ARSB: variants seen among roughly 807,000 people sequenced by gnomAD.
The protein encoded by ARSB is N-acetylgalactosamine-4-sulfatase.
Under a neutral mutation model 50.9 loss-of-function variants are expected in ARSB, and 41 were observed. The observed-to-expected ratio is 0.81, with a 90% CI of 0.63 to 1.04. The LOEUF (loss-of-function observed/expected upper bound fraction) is 1.04. Ranked by LOEUF, ARSB falls within the 50% of genes least tolerant of loss-of-function variation. The pLI, the probability that ARSB is intolerant of heterozygous loss-of-function variation, is 0.00. For synonymous variants in ARSB, 269 were observed against 284.8 expected (o/e 0.94, Z 0.56); for missense variants, 672 against 693.3 (o/e 0.97, Z 0.35).
At chr5:78,827,400 G>A (rs1468976981) in intron 6 of ARSB, among the ~76,000 whole-genome samples, 5 of 152,110 alleles carry the variant, frequency 3.3e-5, no homozygotes, top group Admixed American at 2.6e-4. Flanking sequence ...TAGTAAAGAC[G>A]GGGTTTTGCC....
At chr5:78,893,717 T>C (rs1035346094) in intron 4 of ARSB, among the ~76,000 whole-genome samples, 1 of 152,302 alleles carries the variant, frequency 6.6e-6, no homozygotes, top group Non-Finnish European at 1.5e-5. Context: ...AGTTGTAAGG[T>C]AAGCACAAAA....
At chr5:78,913,664 G>A (rs1391200472) in intron 4 of ARSB, among the ~76,000 whole-genome samples, 2 of 152,080 alleles carry the variant, frequency 1.3e-5, no homozygotes, top group African/African-American at 4.8e-5. Context: ...ATTTGTGTTT[G>A]GAGCTGAAAT....
chr5:78,820,853 T>C (rs961983986), intron 6 of ARSB, among the ~76,000 whole-genome samples: 1 of 151,938 alleles, frequency 6.6e-6, no homozygotes, highest in African/African-American at 2.4e-5. Context: ...GGGGGCTCAC[T>C]AGCCCCTGGT....
At position 78,794,430 on chromosome 5, in the gene ARSB, T is replaced by C. The variant is rs191029415; in HGVS notation, c.1214-12456A>G. Among the ~76,000 whole-genome samples the C allele has an allele frequency of 4.6e-3, 703 of 152,026 alleles. 6 individuals are homozygous for C. The highest frequency in any genetic ancestry group is 7.9e-3 in the Non-Finnish European group (537 of 67,966). ...AGGCCAGTGAACTAACACTGAGTAGTAAGAGGGGAGGGTGTGTCCTAGTGT... is the reference window on the plus strand; with the variant it reads ...AGGCCAGTGAACTAACACTGAGTAGCAAGAGGGGAGGGTGTGTCCTAGTGT... On this transcript the variant is annotated intron_variant, in intron 6 of 7. Transcript: ENST00000264914.
At chr5:78,796,747 G>C (rs1326588299) in intron 6 of ARSB, among the ~76,000 whole-genome samples, 2 of 152,020 alleles carry the variant, frequency 1.3e-5, no homozygotes, top group Non-Finnish European at 1.5e-5. Flanking sequence ...TCTGCCTCCT[G>C]GGTTCAAGTG....
At chr5:78,791,922 G>A (rs1360316601) in intron 6 of ARSB, among the ~76,000 whole-genome samples, 13 of 152,058 alleles carry the variant, frequency 8.5e-5, no homozygotes, top group African/African-American at 2.2e-4. Context: ...GTGGTATGCC[G>A]TATGCCAGGC....
rs559418385 is a variant in ARSB, at chr5:78,867,172, C to T, written c.1142+18412G>A. 4.6e-5 allele frequency among the ~76,000 whole-genome samples: 7 copies of T among 152,298 alleles called. No homozygotes were observed. The South Asian group carries it at 1.5e-3, about 32-fold the overall frequency. The stretch of plus-strand genomic sequence containing the variant: ...CACCTGGCTCGGAGGGTCCTACACC[C>T]ACGGAATCTCGCTGATTGCTAGCAC... On this transcript the variant is annotated intron_variant, in intron 5 of 7. Transcript: ENST00000264914.
intron 5 of ARSB, among the ~76,000 whole-genome samples, chr5:78,866,642 G>C (rs889087517): frequency 3.3e-5 from 5 of 152,246 alleles, no homozygotes; most frequent in Non-Finnish European, 7.3e-5. Flanking sequence ...TGCAGGACGA[G>C]AGTGGCTGCC....
intron 5 of ARSB, among the ~76,000 whole-genome samples, chr5:78,861,392 C>T (rs1746429146): frequency 6.6e-6 from 1 of 152,138 alleles, no homozygotes. Context: ...AATCCAGCAG[C>T]ACATCAAAAA....
chr5:78,942,197 C>T (rs1035881552), intron 4 of ARSB, among the ~76,000 whole-genome samples: 9 of 152,100 alleles, frequency 5.9e-5, no homozygotes, highest in South Asian at 2.1e-4. Flanking sequence ...GTCTTGCTAG[C>T]GGTCTATCAA....
At chr5:78,807,642 A>AAGGT (rs1341106712) in intron 6 of ARSB, among the ~76,000 whole-genome samples, 4 of 152,174 alleles carry the variant, frequency 2.6e-5, no homozygotes, top group Admixed American at 2.6e-4. Context: ...GCCTTTTAAG[A>AAGGT]AGGTACCAAA....
At chr5:78,917,482 G>T (rs1749610765) in intron 4 of ARSB, among the ~76,000 whole-genome samples, 1 of 151,864 alleles carries the variant, frequency 6.6e-6, no homozygotes, top group African/African-American at 2.4e-5. Context: ...TAAATCACTG[G>T]TTTTTTAAAA....
At chr5:78,847,511 T>C (rs1463894501) in intron 5 of ARSB, among the ~76,000 whole-genome samples, 1 of 152,216 alleles carries the variant, frequency 6.6e-6, no homozygotes, top group Non-Finnish European at 1.5e-5. Flanking sequence ...TTGGGGATAC[T>C]GGCCTAAAGT....
rs1748855724 is a variant in ARSB at position 78,779,201 on chromosome 5, T to C, written c.*1196A>G. The C allele has an allele frequency of 6.6e-6, 1 of 152,028 alleles. No homozygotes were observed. Among genetic ancestry groups the C allele is most frequent in the Non-Finnish European group, 1.5e-5 (1 of 68,006 alleles). 9.4% of individuals were successfully genotyped at this position (152,028 alleles called of 1,614,324 possible). A position where few individuals can be genotyped will look rare whatever the true frequency, so the allele number is the denominator to read the frequency against. On this transcript the variant is annotated 3_prime_UTR_variant, in exon 8 of 8. Transcript: ENST00000264914. ...CTGTTCCACATTAGTAAGACATTAGTGGGATTGAGAAAGGGCTGCAGGTGT... is the reference window on the plus strand; with the variant it reads ...CTGTTCCACATTAGTAAGACATTAGCGGGATTGAGAAAGGGCTGCAGGTGT...
chr5:78,922,183 T>C (rs1749846757), intron 4 of ARSB, among the ~76,000 whole-genome samples: 1 of 123,804 alleles, frequency 8.1e-6, no homozygotes, highest in Admixed American at 9.2e-5. Flanking sequence ...CATGCTGGGC[T>C]TAGAGCCAGT....
intron 6 of ARSB, among the ~76,000 whole-genome samples, chr5:78,803,006 G>T (rs1743450362): frequency 6.6e-6 from 1 of 152,228 alleles, no homozygotes; most frequent in Non-Finnish European, 1.5e-5. Flanking sequence ...TTCTCCTGCA[G>T]GGATTAAAGA....
intron 6 of ARSB, among the ~76,000 whole-genome samples, chr5:78,786,443 G>A (rs565492192): frequency 1.3e-5 from 2 of 151,924 alleles, no homozygotes; most frequent in South Asian, 2.1e-4. Context: ...ACTTTTTGGC[G>A]ACTACGAGTA....
chr5:78,956,213 T>G (rs954830900), intron 3 of ARSB, among the ~76,000 whole-genome samples: 1 of 152,204 alleles, frequency 6.6e-6, no homozygotes, highest in African/African-American at 2.4e-5. Flanking sequence ...TGATACATAC[T>G]ACAACATAGA....
chr5:78,807,566 C>T (rs933344152), intron 6 of ARSB, among the ~76,000 whole-genome samples: 3 of 152,112 alleles, frequency 2.0e-5, no homozygotes, highest in Non-Finnish European at 2.9e-5. Context: ...CCTTCCTGAG[C>T]CAATGGGAGG....
Sources: gnomAD v4.1 joint callset for allele counts (sites outside exome capture counted in the v4.1 genomes callset) on GRCh38, gnomAD v4.1.1 for gene constraint, MANE v1.5 for transcripts, NCBI Gene and HGNC (gene_info 2026-07-23, HGNC 2026-07-21) for gene names.